The following CDC23 variants were observed in gnomAD, a reference collection of about 807,000 sequenced individuals.
CDC23 encodes cell division cycle 23.
In CDC23, 26 loss-of-function variants were observed where a neutral mutation model predicts 81.7. That is an observed-to-expected ratio of 0.32 (90% confidence interval 0.23 to 0.44). CDC23 has a LOEUF of 0.44. Ranked by LOEUF, CDC23 falls within the 20% of genes least tolerant of loss-of-function variation. CDC23 has a pLI of 1.00. For missense variants in CDC23, 519 were observed against 728.0 expected (o/e 0.71, Z 3.30); for synonymous variants, 267 against 270.8 (o/e 0.99, Z 0.14).
Position 138,189,663 on chromosome 5 carries a change from A to C in CDC23, c.1593T>G (p.Thr531=). ...FKCKLWDEAS[T]CAQKCCAFND... ...TAAATGCACAACACTTTTGTGCACA[A>C]GTTGAAGCTTCATCCCACAGTTTGC... is the stretch of plus-strand genomic sequence containing the variant. Residue 531 remains threonine (T), a synonymous_variant, in exon 15 of 16, where the codon ACT becomes ACG. Transcript: ENST00000394886. 2 of 1,613,970 alleles carry C rather than the reference A, an allele frequency of 1.2e-6. No homozygotes were observed. The highest frequency in any genetic ancestry group is 1.7e-6 in the Non-Finnish European group (2 of 1,179,880).
At chr5:138,190,626 G>A (rs1270236271) in intron 13 of CDC23, among the ~76,000 whole-genome samples, 2 of 152,060 alleles carry the variant, frequency 1.3e-5, no homozygotes, top group African/African-American at 4.8e-5. Context: ...TTAGCCAGGT[G>A]TGGTGGCAAG....
intron 6 of CDC23, among the ~76,000 whole-genome samples, chr5:138,199,414 G>C (rs1467301235): frequency 6.6e-6 from 1 of 152,076 alleles, no homozygotes. Context: ...CCTGACAAGA[G>C]AGTGAAACCT....
At chr5:138,202,648 A>G (rs1755002102) in intron 3 of CDC23, among the ~76,000 whole-genome samples, 1 of 152,244 alleles carries the variant, frequency 6.6e-6, no homozygotes, top group South Asian at 2.1e-4. Flanking sequence ...CTGAGCACCA[A>G]AATAATTAAG....
At chr5:138,191,009 C>T (rs1052993767) in intron 13 of CDC23, among the ~76,000 whole-genome samples, 3 of 152,174 alleles carry the variant, frequency 2.0e-5, no homozygotes, top group Non-Finnish European at 4.4e-5. Flanking sequence ...GAAATTAATA[C>T]TGAAAGTAGT....
Position 138,203,441 on chromosome 5 carries a change from AAAAG to A in CDC23, c.373-1290_373-1287del, listed in dbSNP as rs571591463. 3.2e-3 allele frequency among the ~76,000 whole-genome samples: 490 copies of A among 152,302 alleles called. 5 individuals carry two copies. Among genetic ancestry groups the A allele is most frequent in the Middle Eastern group, 0.014 (4 of 294 alleles). On this transcript the variant is annotated intron_variant, in intron 3 of 15. Transcript: ENST00000394886. Reference sequence around the variant, plus strand: ...CTAAAAAATACTCTATTGATTAAAAAAAAGAAAGAAAGAAAAAGAAACAGGGAGG... The same window carrying A: ...CTAAAAAATACTCTATTGATTAAAAAAAAGAAAGAAAAAGAAACAGGGAGG...
At chr5:138,194,497 C>T (rs999980920) in intron 9 of CDC23, among the ~76,000 whole-genome samples, 2 of 152,092 alleles carry the variant, frequency 1.3e-5, no homozygotes, top group African/African-American at 4.8e-5. Flanking sequence ...ATTCCTGGAA[C>T]AGGCAAAACT....
chr5:138,189,259 C>CTT, intron 15 of CDC23, 111 bp from the exon 16 acceptor site: 1 of 1,024,460 alleles, frequency 9.8e-7, no homozygotes, highest in Non-Finnish European at 1.4e-6. Flanking sequence ...GGGAGGCTTG[C>CTT]TTGTTTTTTT....
In CDC23 at chr5:138,201,352, C is replaced by T. The variant is rs1262458923; in HGVS notation, c.512G>A (p.Gly171Glu). Residue 171 changes from glycine to glutamate, a missense_variant, in exon 5 of 16, where the codon GGA becomes GAA. Coordinates refer to ENST00000394886, the MANE Select transcript of CDC23 (RefSeq NM_004661.4). The stretch of plus-strand genomic sequence containing the variant: ...TTACTGTAACACTTACAGATAAAGT[C>T]CAAATCCATCAAGTTCTCGAGCTTG... ...KHQARELDGF[G>E]LYLYGVVLRK... 6.2e-7 allele frequency: 1 copy of T among 1,613,880 alleles called. No homozygotes were observed. The highest frequency in any genetic ancestry group is 8.5e-7 in the Non-Finnish European group (1 of 1,179,898).
At chr5:138,203,424 T>C (rs1191363026) in intron 3 of CDC23, among the ~76,000 whole-genome samples, 1 of 151,840 alleles carries the variant, frequency 6.6e-6, no homozygotes, top group Non-Finnish European at 1.5e-5. Flanking sequence ...CTCTAAAAAA[T>C]ACTCTATTGA....
At chr5:138,207,556 T>A (rs763173726) in intron 2 of CDC23, among the ~76,000 whole-genome samples, 18 of 152,224 alleles carry the variant, frequency 1.2e-4, no homozygotes, top group Non-Finnish European at 2.4e-4. Flanking sequence ...TTACTTATAT[T>A]TTTTGTACTT....
At chr5:138,210,626 T>C (rs1204010491) in intron 2 of CDC23, among the ~76,000 whole-genome samples, 1 of 152,220 alleles carries the variant, frequency 6.6e-6, no homozygotes, top group Non-Finnish European at 1.5e-5. Flanking sequence ...TTTTCAGAGA[T>C]AGTCCCTAGA....
At position 138,192,714 on chromosome 5, in the gene CDC23, T is replaced by C. The variant is rs1754840176; in HGVS notation, c.1013-57A>G. On this transcript the variant is annotated intron_variant, in intron 9 of 15. Coordinates refer to ENST00000394886, the MANE Select transcript of CDC23 (RefSeq NM_004661.4). Reference sequence around the variant, plus strand: ...TCAGAAAGGTAAAAATAAAAGTCCATTAAAATAGATAGCATTCCACCAAAT... The same window carrying C: ...TCAGAAAGGTAAAAATAAAAGTCCACTAAAATAGATAGCATTCCACCAAAT... 12 of 1,508,030 alleles carry C rather than the reference T, an allele frequency of 8.0e-6. 1 individual carries two copies. The African/African-American group carries it at 8.3e-5, about 10-fold the overall frequency. The allele number at this position is 1,508,030 out of a possible 1,614,324, so 93.4% of individuals were successfully genotyped here.
chr5:138,188,149 A>G lies in CDC23; in HGVS notation c.*829T>C, dbSNP rs1754777247. Reference sequence around the variant, plus strand: ...AAAAAAATAGACAATTACGTTGAAAATTTATTAAAACAGACCAGCTTGAAG... The same window carrying G: ...AAAAAAATAGACAATTACGTTGAAAGTTTATTAAAACAGACCAGCTTGAAG... On this transcript the variant is annotated 3_prime_UTR_variant, in exon 16 of 16. Coordinates refer to ENST00000394886, the MANE Select transcript of CDC23 (RefSeq NM_004661.4). 6.6e-6 allele frequency: 1 copy of G among 152,208 alleles called. No individual in the cohort carries two copies. The allele number at this position is 152,208 out of a possible 1,614,324, so 9.4% of individuals were successfully genotyped here. A position where few individuals can be genotyped will look rare whatever the true frequency, so the allele number is the denominator to read the frequency against.
chr5:138,191,876 C>T lies in CDC23; in HGVS notation c.1348G>A (p.Val450Met), dbSNP rs931792622. The change falls in exon 12 of 16, where the codon GTG (valine) becomes ATG (methionine). Residue 450 changes from valine to methionine, a missense_variant. By Grantham distance (21) the Val-to-Met change is conservative. Coordinates refer to ENST00000394886, the MANE Select transcript of CDC23 (RefSeq NM_004661.4). ...ATTTAAGGTACCTTTTTGGCTTCCA[C>T]TAGTTGATTGAGTTTCTCGTAACAT... ...GECYEKLNQL[V>M]EAKKCYWRAY... The T allele has an allele frequency of 1.2e-6, 2 of 1,613,948 alleles. No homozygotes were observed. The highest frequency in any genetic ancestry group is 1.7e-6 in the Non-Finnish European group (2 of 1,179,866).
intron 3 of CDC23, among the ~76,000 whole-genome samples, chr5:138,204,429 C>T (rs957886151): frequency 6.7e-5 from 10 of 149,518 alleles, no homozygotes; most frequent in African/African-American, 2.2e-4. Flanking sequence ...GGCTTGAACC[C>T]GGGAGGCAGA....
rs1488458115 is a variant in CDC23, at chr5:138,189,914, A to G, written c.1425-8T>C. 1 of 1,613,336 alleles carries G rather than the reference A, an allele frequency of 6.2e-7. No homozygotes were observed. The highest frequency in any genetic ancestry group is 2.2e-5 in the East Asian group (1 of 44,870). ...GTCAACTGTTCATGAAGCCTACAAA[A>G]GAAACTGATCTTTAAATACCAATGA... On this transcript the variant is annotated splice_polypyrimidine_tract_variant and splice_region_variant and intron_variant, in intron 13 of 15. Transcript: ENST00000394886.
chr5:138,195,676 G>A (rs1434835049), intron 9 of CDC23, among the ~76,000 whole-genome samples: 4 of 97,220 alleles, frequency 4.1e-5, no homozygotes, highest in African/African-American at 8.6e-5. Flanking sequence ...TTTTATATAT[G>A]CATATATACA....
rs990334793 is a variant in CDC23, at chr5:138,198,663, G to A, written c.774C>T (p.Gly258=). 6.2e-7 allele frequency: 1 copy of A among 1,614,100 alleles called. No individual in the cohort carries two copies. The highest frequency in any genetic ancestry group is 8.5e-7 in the Non-Finnish European group (1 of 1,179,980). ...AAACAATATACGAGCTCTTAGAGAA[G>A]CCCACATCAATGAGATTCTGATACT... The part of the protein sequence containing the change: ...LQKYQNLIDV[G]FSKSSYIVSQ... Residue 258 remains glycine, a synonymous_variant, in exon 7 of 16, where the codon GGC becomes GGT. Transcript: ENST00000394886.
At chr5:138,205,106 G>A (rs1755033660) in intron 3 of CDC23, among the ~76,000 whole-genome samples, 1 of 151,848 alleles carries the variant, frequency 6.6e-6, no homozygotes, top group African/African-American at 2.4e-5. Context: ...GTAGAGACGG[G>A]GTTTCACCAT....
Sources: allele counts gnomAD v4.1 joint callset (sites outside exome capture counted in the v4.1 genomes callset), GRCh38; gene constraint gnomAD v4.1.1; transcripts MANE v1.5; gene names NCBI Gene and HGNC (gene_info 2026-07-23, HGNC 2026-07-21).